The following TRIO variants were observed in gnomAD, a reference collection of about 807,000 sequenced individuals.
The protein encoded by TRIO is trio Rho guanine nucleotide exchange factor.
A neutral mutation model predicts 351.9 loss-of-function variants in TRIO; 58 were observed. That is an observed-to-expected ratio of 0.16 (90% CI 0.13 to 0.21). TRIO has a LOEUF of 0.21. Ranked by LOEUF, TRIO falls within the 10% of genes least tolerant of loss-of-function variation. The pLI, the probability that TRIO is intolerant of heterozygous loss-of-function variation, is 1.00. For synonymous variants in TRIO, 1,758 were observed against 1,595.7 expected, an observed-to-expected ratio of 1.10 and a Z score of -2.42; for missense variants, 3,201 against 4,027.8, an observed-to-expected ratio of 0.79 and a Z score of 5.56.
intron 41 of TRIO, 32 bp downstream of exon 41, chr5:14,476,995 C>T (rs1755128848): frequency 6.3e-7 from 1 of 1,578,338 alleles, no homozygotes; most frequent in African/African-American, 1.4e-5. Context: ...ATATCCTGTT[C>T]TGATGGTGTC....
In TRIO at chr5:14,358,437, T is replaced by C. The variant is rs1051258164; in HGVS notation, c.2216+90T>C. The C allele has an allele frequency of 4.0e-6, 6 of 1,484,190 alleles. No homozygotes were observed. In the African/African-American group the frequency reaches 8.3e-5, roughly 21 times the overall value. 91.9% of individuals were successfully genotyped at this position (1,484,190 alleles called of 1,614,324 possible). On this transcript the variant is annotated intron_variant, in intron 12 of 56. Coordinates refer to ENST00000344204, the MANE Select transcript of TRIO (RefSeq NM_007118.4). ...TTTTACTCTTGTGAGTGGTCAGCTC[T>C]GCTTCTCTGTCCAGCTGAGTGCAGA...
rs765000562 is a variant in TRIO, at chr5:14,399,005, G to A, written c.4549G>A (p.Val1517Ile). ...RHLFLFEMSLVFSKEVKDSSG... is the reference protein window; with the variant it reads ...RHLFLFEMSLIFSKEVKDSSG... ...TCTCTTCCTTTTTGAAATGTCCTTA[G>A]TATTTAGTAAAGAAGTGAAAGATTC... Residue 1517 changes from valine to isoleucine, a missense_variant, in exon 30 of 57, where the codon GTA becomes ATA. Physicochemically the swap from Val to Ile is conservative, Grantham distance 29. Transcript: ENST00000344204. The A allele has an allele frequency of 6.2e-6, 10 of 1,613,982 alleles. No homozygotes were observed. The East Asian group carries it at 2.2e-4, about 36-fold the overall frequency.
intron 12 of TRIO, among the ~76,000 whole-genome samples, chr5:14,358,837 A>AT (rs1198352980): frequency 6.6e-6 from 1 of 152,012 alleles, no homozygotes; most frequent in Non-Finnish European, 1.5e-5. Flanking sequence ...CTGGAAGCAA[A>AT]TTTTTTTTAT....
At chr5:14,357,057 A>G (rs1004068728) in intron 11 of TRIO, among the ~76,000 whole-genome samples, 1 of 152,252 alleles carries the variant, frequency 6.6e-6, no homozygotes, top group Non-Finnish European at 1.5e-5. Context: ...CACATTGGAC[A>G]CTTTACATTT....
Position 14,454,577 on chromosome 5 carries a change from C to G in TRIO, c.5204-6442C>G, listed in dbSNP as rs182954355. On this transcript the variant is annotated intron_variant, in intron 34 of 56. Transcript: ENST00000344204. Reference sequence around the variant, plus strand: ...TAGGCTGAGAAATAATAGCTTGCAGCTGGTTTGTTGGCTCACCTGTTTGTC... The same window carrying G: ...TAGGCTGAGAAATAATAGCTTGCAGGTGGTTTGTTGGCTCACCTGTTTGTC... Among the ~76,000 whole-genome samples, 414 of 152,298 alleles carry G rather than the reference C, an allele frequency of 2.7e-3. 3 individuals carry two copies. The highest frequency in any genetic ancestry group is 0.01 in the Middle Eastern group (3 of 294).
intron 34 of TRIO, among the ~76,000 whole-genome samples, chr5:14,454,082 A>T (rs1753054678): frequency 6.6e-6 from 1 of 152,080 alleles, no homozygotes; most frequent in Non-Finnish European, 1.5e-5. Flanking sequence ...GGCATGCGAC[A>T]CGATGCCAAC....
At chr5:14,282,917 C>T (rs1200626808) in intron 3 of TRIO, among the ~76,000 whole-genome samples, 6 of 152,114 alleles carry the variant, frequency 3.9e-5, no homozygotes, top group African/African-American at 9.7e-5. Context: ...ATGTAAATGA[C>T]GCATTTGCCG....
chr5:14,192,258 TTC>T (rs200307756), intron 1 of TRIO, among the ~76,000 whole-genome samples: 25 of 148,312 alleles, frequency 1.7e-4, no homozygotes, highest in Middle Eastern at 3.5e-3. Context: ...TTTTTCCTTC[TTC>T]TTTTTTTTTT....
chr5:14,262,118 G>A (rs1176459066), intron 1 of TRIO, among the ~76,000 whole-genome samples: 2 of 152,246 alleles, frequency 1.3e-5, no homozygotes, highest in Non-Finnish European at 2.9e-5. Flanking sequence ...AGTCTGCTCA[G>A]TGAGACTGCC....
At chr5:14,224,968 G>A (rs1217150324) in intron 1 of TRIO, among the ~76,000 whole-genome samples, 1 of 152,070 alleles carries the variant, frequency 6.6e-6, no homozygotes, top group Non-Finnish European at 1.5e-5. Flanking sequence ...CTGAGCCTTC[G>A]TTCCTTGTTC....
chr5:14,155,195 T>C (rs1788037231), intron 1 of TRIO, among the ~76,000 whole-genome samples: 1 of 152,170 alleles, frequency 6.6e-6, no homozygotes, highest in Non-Finnish European at 1.5e-5. Context: ...AGATCCCCAG[T>C]TGTAAGTATT....
intron 1 of TRIO, among the ~76,000 whole-genome samples, chr5:14,225,803 C>CCCCCCCCCCCCCCCCCCCCCA (rs1554036808): frequency 7.0e-6 from 1 of 143,206 alleles, no homozygotes; most frequent in African/African-American, 2.6e-5. Context: ...CCCCCCCCCC[C>CCCCCCCCCCCCCCCCCCCCCA]ACCTCCAAGC....
intron 25 of TRIO, 117 bp downstream of exon 25, chr5:14,389,515 T>G (rs138582457): frequency 5.7e-6 from 4 of 698,800 alleles, no homozygotes; most frequent in Non-Finnish European, 9.2e-6. Flanking sequence ...TGTTTCCATT[T>G]GAATGAAGCC....
Position 14,146,645 on chromosome 5 carries a change from T to G in TRIO, c.157+2763T>G, listed in dbSNP as rs550244685. On this transcript the variant is annotated intron_variant, in intron 1 of 56. Coordinates refer to ENST00000344204, the MANE Select transcript of TRIO (RefSeq NM_007118.4). ...ACTGGAAGTGCTCACATAAAGGTGC[T>G]GTCACCTGGCAGGGTTTGGAGTTGG... Among the ~76,000 whole-genome samples the G allele has an allele frequency of 2.6e-5, 4 of 152,372 alleles. No individual in the cohort carries two copies. In the East Asian group the frequency reaches 7.7e-4, roughly 29 times the overall value.
chr5:14,345,306 C>T (rs1367939808), intron 11 of TRIO, among the ~76,000 whole-genome samples: 1 of 152,110 alleles, frequency 6.6e-6, no homozygotes, highest in Non-Finnish European at 1.5e-5. Context: ...AAGGAATTAA[C>T]AATATATTAT....
At chr5:14,326,924 C>T (rs1298232722) in intron 9 of TRIO, among the ~76,000 whole-genome samples, 1 of 152,020 alleles carries the variant, frequency 6.6e-6, no homozygotes, top group African/African-American at 2.4e-5. Context: ...TAGCTGTCTG[C>T]AATTATTTAT....
intron 1 of TRIO, among the ~76,000 whole-genome samples, chr5:14,166,010 C>G (rs919324685): frequency 2.0e-5 from 3 of 152,230 alleles, no homozygotes; most frequent in African/African-American, 7.2e-5. Flanking sequence ...TCCTGCATTT[C>G]TCTTGTTTCT....
chr5:14,406,195 G>T lies in TRIO; in HGVS notation c.4859+205G>T, dbSNP rs1295239630. ...TCTATTGGCTTAGAGTAAACGAAGG[G>T]CTGTGTGCAAACCTCTCATTGTTTT... On this transcript the variant is annotated intron_variant, in intron 32 of 56. Coordinates refer to ENST00000344204, the MANE Select transcript of TRIO (RefSeq NM_007118.4). 5 of 767,854 alleles carry T rather than the reference G, an allele frequency of 6.5e-6. No homozygotes were observed. The East Asian group carries it at 1.4e-4, about 22-fold the overall frequency. 47.6% of individuals were successfully genotyped at this position (767,854 alleles called of 1,614,324 possible).
chr5:14,488,363 C>T (rs1039711408), intron 48 of TRIO, 103 bp downstream of exon 48: 12 of 1,451,816 alleles, frequency 8.3e-6, no homozygotes, highest in African/African-American at 1.4e-5. Flanking sequence ...GCCCAGCGCT[C>T]TCCGCCGCCC....
Sources: allele counts gnomAD v4.1 joint callset (sites outside exome capture counted in the v4.1 genomes callset), GRCh38; gene constraint gnomAD v4.1.1; transcripts MANE v1.5; gene names NCBI Gene and HGNC (gene_info 2026-07-23, HGNC 2026-07-21).